Variants in LRRC1 observed in about 807,000 individuals in gnomAD.
The protein encoded by LRRC1 is leucine-rich repeat-containing protein 1.
LRRC1 carries 28 observed loss-of-function variants against 69.9 expected under a neutral mutation model. The ratio of observed to expected loss-of-function variants is 0.40; its 90% CI spans 0.30 to 0.55. The LOEUF is 0.55. LRRC1 is among the 20% of genes least tolerant of loss of function. LRRC1 has a pLI of 0.47. For synonymous variants in LRRC1, 236 were observed against 240.2 expected, an observed-to-expected ratio of 0.98 and a Z score of 0.16; for missense variants, 498 against 609.0, an observed-to-expected ratio of 0.82 and a Z score of 1.92.
chr6:53,872,592 A>G (rs972692953), intron 2 of LRRC1, among the ~76,000 whole-genome samples: 9 of 151,528 alleles, frequency 5.9e-5, no homozygotes, highest in Admixed American at 3.3e-4. Flanking sequence ...CTTTTTCTTT[A>G]GCATTACTTT....
At chr6:53,905,112 A>G (rs1406249593) in intron 10 of LRRC1, 1 of 152,376 alleles carries the variant, frequency 6.6e-6, no homozygotes, top group African/African-American at 2.4e-5. Context: ...GGAAATGCTG[A>G]CAATGAGGAG....
At chr6:53,918,319 A>G (rs1768633864) in intron 11 of LRRC1, among the ~76,000 whole-genome samples, 1 of 152,240 alleles carries the variant, frequency 6.6e-6, no homozygotes, top group African/African-American at 2.4e-5. Context: ...CTCAGGCTTT[A>G]CTGGACTAAT....
chr6:53,887,660 C>A (rs1767532469), intron 4 of LRRC1, among the ~76,000 whole-genome samples: 1 of 152,144 alleles, frequency 6.6e-6, no homozygotes, highest in Admixed American at 6.5e-5. Context: ...CTTGAAGATA[C>A]TGCATTTTCT....
At chr6:53,797,462 C>T (rs544918891) in intron 1 of LRRC1, among the ~76,000 whole-genome samples, 58 of 152,238 alleles carry the variant, frequency 3.8e-4, no homozygotes, top group Non-Finnish European at 7.6e-4. Context: ...CCATCCCTTC[C>T]ATTCTTTCCT....
At chr6:53,845,410 C>T (rs963615019) in intron 2 of LRRC1, among the ~76,000 whole-genome samples, 1 of 152,120 alleles carries the variant, frequency 6.6e-6, no homozygotes, top group African/African-American at 2.4e-5. Flanking sequence ...GTCACAAATC[C>T]TGCAGCTGGA....
intron 1 of LRRC1, among the ~76,000 whole-genome samples, chr6:53,839,326 CA>C (rs1207807882): frequency 1.3e-5 from 2 of 151,208 alleles, no homozygotes; most frequent in East Asian, 1.9e-4. Flanking sequence ...TTTTTACCAA[CA>C]AAAAAAAGAA....
chr6:53,824,723 T>C (rs1464656773), intron 1 of LRRC1, among the ~76,000 whole-genome samples: 1 of 152,236 alleles, frequency 6.6e-6, no homozygotes, highest in Non-Finnish European at 1.5e-5. Flanking sequence ...TATCAGGTGC[T>C]GTTATCTAAG....
chr6:53,829,667 G>T (rs1221307057), intron 1 of LRRC1, among the ~76,000 whole-genome samples: 1 of 152,022 alleles, frequency 6.6e-6, no homozygotes, highest in African/African-American at 2.4e-5. Flanking sequence ...TACAAATCTG[G>T]GTAAAAAATT....
chr6:53,832,459 C>A (rs79790756), intron 1 of LRRC1, among the ~76,000 whole-genome samples: 36,411 of 152,098 alleles, frequency 0.24, 4,534 homozygotes, highest in South Asian at 0.26. Flanking sequence ...GCCCACTAAA[C>A]AAAATTTTAT....
chr6:53,889,800 C>T (rs1308367873), intron 4 of LRRC1, among the ~76,000 whole-genome samples: 1 of 152,152 alleles, frequency 6.6e-6, no homozygotes, highest in Non-Finnish European at 1.5e-5. Flanking sequence ...TGAATTATAT[C>T]TCCGTAAAAA....
intron 2 of LRRC1, among the ~76,000 whole-genome samples, chr6:53,870,501 T>TAAAA (rs1766846006): frequency 6.6e-6 from 1 of 152,228 alleles, no homozygotes; most frequent in Non-Finnish European, 1.5e-5. Flanking sequence ...GTATCTTTTT[T>TAAAA]AGTTTTATCT....
chr6:53,898,338 G>A (rs1414659614), intron 7 of LRRC1, among the ~76,000 whole-genome samples: 2 of 152,166 alleles, frequency 1.3e-5, no homozygotes, highest in African/African-American at 2.4e-5. Context: ...GGAAATATGT[G>A]GGAAATCCTG....
chr6:53,861,404 G>T (rs1444936342), intron 2 of LRRC1, among the ~76,000 whole-genome samples: 1 of 151,050 alleles, frequency 6.6e-6, no homozygotes, highest in African/African-American at 2.4e-5. Context: ...GTTTTTTAGA[G>T]GTTGCCATTA....
intron 2 of LRRC1, among the ~76,000 whole-genome samples, chr6:53,853,419 G>A (rs957460329): frequency 7.9e-5 from 12 of 151,692 alleles, no homozygotes; most frequent in African/African-American, 2.9e-4. Context: ...TGAATAGCTG[G>A]GATTACAGGC....
chr6:53,914,471 G>A (rs1026924654), intron 11 of LRRC1, among the ~76,000 whole-genome samples: 5 of 152,164 alleles, frequency 3.3e-5, no homozygotes, highest in Non-Finnish European at 5.9e-5. Context: ...TACAGCTAAT[G>A]TCAGAATCTC....
At chr6:53,915,088 T>C (rs1203953710) in intron 11 of LRRC1, among the ~76,000 whole-genome samples, 1 of 152,182 alleles carries the variant, frequency 6.6e-6, no homozygotes, top group Non-Finnish European at 1.5e-5. Context: ...AAAATTGCTT[T>C]TGAGTGTGAT....
At chr6:53,813,505 G>T (rs1424192200) in intron 1 of LRRC1, among the ~76,000 whole-genome samples, 2 of 151,090 alleles carry the variant, frequency 1.3e-5, no homozygotes, top group African/African-American at 4.9e-5. Flanking sequence ...CCAGCTGGAA[G>T]GTGGGCCTGC....
Position 53,871,438 on chromosome 6 carries a change from T to G in LRRC1, c.278-7555T>G, listed in dbSNP as rs116441371. Among the ~76,000 whole-genome samples, 433 of 152,340 alleles carry G rather than the reference T, an allele frequency of 2.8e-3. 2 individuals are homozygous for G. The highest frequency in any genetic ancestry group is 1.8e-3 in the Non-Finnish European group (120 of 68,038). On this transcript the variant is annotated intron_variant, in intron 2 of 13. Coordinates refer to ENST00000370888, the MANE Select transcript of LRRC1 (RefSeq NM_018214.5). ...CTTGTTAGCCATTTGTATGTCTTCT[T>G]TTGAGAAATGTCATTCAGATCAGAT...
chr6:53,858,065 G>A (rs561089720), intron 2 of LRRC1, among the ~76,000 whole-genome samples: 5 of 152,310 alleles, frequency 3.3e-5, no homozygotes, highest in Admixed American at 2.6e-4. Flanking sequence ...TAGGCAAAAG[G>A]TGGGAGTAGC....
Sources: allele counts gnomAD v4.1 joint callset (sites outside exome capture counted in the v4.1 genomes callset), GRCh38; gene constraint gnomAD v4.1.1; transcripts MANE v1.5; gene names NCBI Gene and HGNC (gene_info 2026-07-23, HGNC 2026-07-21).